Variants in B3GNT3 observed in about 807,000 individuals in gnomAD.
B3GNT3 encodes N-acetyllactosaminide beta-1,3-N-acetylglucosaminyltransferase 3.
A neutral mutation model predicts 11.6 loss-of-function variants in B3GNT3; 7 were observed. The ratio of observed to expected loss-of-function variants is 0.60; its 90% CI spans 0.34 to 1.13. The LOEUF is 1.13. Among genes scored for constraint, B3GNT3 ranks in the 50% most tolerant of loss-of-function variants. The pLI, the probability that B3GNT3 is intolerant of heterozygous loss-of-function variation, is 0.03. For synonymous variants in B3GNT3, 201 were observed against 222.1 expected (o/e 0.90, Z 0.85); for missense variants, 400 against 507.4 (o/e 0.79, Z 2.03).
chr19:17,811,558 A>G lies in B3GNT3; in HGVS notation c.568-13A>G, dbSNP rs766402937. The stretch of plus-strand genomic sequence containing the variant: ...GCCCTCAAGCAAGCATGCCCTGTCC[A>G]CCCTGCCTGCAGGTCCTGTTCTTAC... On this transcript the variant is annotated splice_polypyrimidine_tract_variant and intron_variant, in intron 2 of 2. Transcript: ENST00000318683. This position sits in a 1 kb window ranked among gnomAD's most constrained non-coding sequence, Gnocchi z 4.1. The G allele has an allele frequency of 3.7e-6, 6 of 1,601,538 alleles. No homozygotes were observed. The African/African-American group carries it at 8.0e-5, about 21-fold the overall frequency.
rs28403613 is a variant in B3GNT3, at chr19:17,812,929, C to T, written c.*807C>T. ...GAGATTCAGGTCCTCCAGCAGCCTC[C>T]CTCACCCAGTATGTTTTACAGATTA... On this transcript the variant is annotated 3_prime_UTR_variant, in exon 3 of 3. Transcript: ENST00000318683. The T allele has an allele frequency of 0.13, 20,105 of 152,176 alleles. 1,432 individuals carry two copies. Among genetic ancestry groups the T allele is most frequent in the Admixed American group, 0.2 (2,972 of 15,240 alleles). 9.4% of individuals were successfully genotyped at this position (152,176 alleles called of 1,614,324 possible). A position where few individuals can be genotyped will look rare whatever the true frequency, so the allele number is the denominator to read the frequency against.
intron 1 of B3GNT3, among the ~76,000 whole-genome samples, chr19:17,804,533 C>CCTAT (rs987013912): frequency 1.8e-5 from 1 of 57,016 alleles, no homozygotes; most frequent in Non-Finnish European, 2.8e-5. Flanking sequence ...CCGTGCCCAG[C>CCTAT]TTTTTTTTTT....
chr19:17,803,910 C>T (rs1171063834), intron 1 of B3GNT3, among the ~76,000 whole-genome samples: 1 of 151,970 alleles, frequency 6.6e-6, no homozygotes, highest in East Asian at 1.9e-4. Context: ...GTCTGTAATC[C>T]CAGCGCTTTG....
At position 17,807,960 on chromosome 19, in the gene B3GNT3, T is replaced by TCCTGCC; in HGVS notation, c.155_156insTGCCCC (p.Pro52_Pro53insAlaPro). ...TCCCCGAGGCCCTGGCCTGGCCCAC[T>TCCTGCC]CCACCCACCCGCCCAGCCCCGGCCC... On this transcript the variant is annotated inframe_insertion, in exon 2 of 3. Coordinates refer to ENST00000318683, the MANE Select transcript of B3GNT3 (RefSeq NM_014256.4). 14 of 1,609,540 alleles carry TCCTGCC rather than the reference T, an allele frequency of 8.7e-6. No individual in the cohort carries two copies. The highest frequency in any genetic ancestry group is 1.2e-5 in the Non-Finnish European group (14 of 1,178,122).
At chr19:17,800,969 T>G (rs2094165452) in intron 1 of B3GNT3, among the ~76,000 whole-genome samples, 1 of 151,682 alleles carries the variant, frequency 6.6e-6, no homozygotes, top group Admixed American at 6.6e-5. Flanking sequence ...AGGCTCTATC[T>G]AAAATATATA....
intron 1 of B3GNT3, among the ~76,000 whole-genome samples, chr19:17,799,658 G>A (rs2094163620): frequency 6.6e-6 from 1 of 152,018 alleles, no homozygotes; most frequent in Non-Finnish European, 1.5e-5. Context: ...AGCTGGGTCA[G>A]AAGGCCCTTC....
chr19:17,812,042 C>G lies in B3GNT3; in HGVS notation c.1039C>G (p.Leu347Val). The change falls in exon 3 of 3, where the codon CTA (leucine) becomes GTA (valine). Residue 347 changes from leucine (L) to valine (V), a missense_variant. Physicochemically the swap from Leu to Val is conservative, Grantham distance 32. Transcript: ENST00000318683. ...YRDLLLVHRF[L>V]PYEMLLMWDA... ...AGACCTGCTGCTGGTGCACCGCTTC[C>G]TACCTTATGAGATGCTGCTCATGTG... 3 of 1,599,444 alleles carry G rather than the reference C, an allele frequency of 1.9e-6. No individual in the cohort carries two copies. Among genetic ancestry groups the G allele is most frequent in the Middle Eastern group, 1.7e-4 (1 of 6,060 alleles).
chr19:17,808,217 G>A lies in B3GNT3; in HGVS notation c.410G>A (p.Arg137Gln), dbSNP rs1335188746. 2.5e-6 allele frequency: 4 copies of A among 1,613,240 alleles called. No individual in the cohort carries two copies. The highest frequency in any genetic ancestry group is 2.7e-5 in the African/African-American group (2 of 74,912). Reference sequence around the variant, plus strand: ...ACGTGGGGCCGCGAGCGCAAGGTACGGGGTTTGCAGCTGCGCCTCCTCTTC... The same window carrying A: ...ACGTGGGGCCGCGAGCGCAAGGTACAGGGTTTGCAGCTGCGCCTCCTCTTC... ...RRTWGRERKV[R>Q]GLQLRLLFLV... The change falls in exon 2 of 3, where the codon CGG (arginine) becomes CAG (glutamine). Residue 137 changes from arginine to glutamine, a missense_variant. Arg to Gln is a conservative substitution (Grantham distance 43, BLOSUM62 1). Coordinates refer to ENST00000318683, the MANE Select transcript of B3GNT3 (RefSeq NM_014256.4).
chr19:17,795,578 G>A (rs896088793), intron 1 of B3GNT3, among the ~76,000 whole-genome samples: 16 of 152,202 alleles, frequency 1.1e-4, no homozygotes, highest in Non-Finnish European at 2.9e-5. Flanking sequence ...GGGAGTATCT[G>A]GGCAAGCCAG....
upstream of B3GNT3, chr19:17,794,929 T>C: frequency 6.6e-6 from 1 of 152,396 alleles, no homozygotes; most frequent in Non-Finnish European, 1.5e-5. Flanking sequence ...AAGAGCGGGA[T>C]GGCAGAGGTG....
At chr19:17,807,335 C>CA (rs962338141) in intron 1 of B3GNT3, among the ~76,000 whole-genome samples, 14 of 150,848 alleles carry the variant, frequency 9.3e-5, no homozygotes, top group Admixed American at 2.0e-4. Flanking sequence ...ACTAAAAATA[C>CA]AAAAAAATTA....
Position 17,799,872 on chromosome 19 carries a change from G to T in B3GNT3, c.-51+4666G>T, listed in dbSNP as rs373371426. Reference sequence around the variant, plus strand: ...ATCTGGGCCTCAGTTTCCTCATCTGGAAAGTGGGAGTTTCACAGGGAGAAT... The same window carrying T: ...ATCTGGGCCTCAGTTTCCTCATCTGTAAAGTGGGAGTTTCACAGGGAGAAT... On this transcript the variant is annotated intron_variant, in intron 1 of 2. Transcript: ENST00000318683. Among the ~76,000 whole-genome samples the T allele has an allele frequency of 4.8e-4, 73 of 152,278 alleles. 1 individual carries two copies. Among genetic ancestry groups the T allele is most frequent in the African/African-American group, 1.7e-3 (72 of 41,554 alleles).
At chr19:17,800,693 G>A (rs1423339706) in intron 1 of B3GNT3, among the ~76,000 whole-genome samples, 1 of 152,046 alleles carries the variant, frequency 6.6e-6, no homozygotes, top group Non-Finnish European at 1.5e-5. Flanking sequence ...TAGGCCGGGC[G>A]AGGTGGCTCA....
intron 1 of B3GNT3, 138 bp from the exon 2 acceptor site, chr19:17,807,620 G>A (rs2094174834): frequency 3.4e-6 from 2 of 582,782 alleles, no homozygotes; most frequent in Non-Finnish European, 6.0e-6. Flanking sequence ...GGTCTTGCAA[G>A]GGGTGGAGGA....
rs1316183076 is a variant in B3GNT3 at position 17,813,133 on chromosome 19, C to T, written c.*1011C>T. ...TTACAAGTTTCAACAGACAAGTCCA[C>T]ATTCATCCCTAAAAGTCTCATTTTC... On this transcript the variant is annotated 3_prime_UTR_variant, in exon 3 of 3. Coordinates refer to ENST00000318683, the MANE Select transcript of B3GNT3 (RefSeq NM_014256.4). The T allele has an allele frequency of 1.3e-5, 2 of 151,712 alleles. No homozygotes were observed. Among genetic ancestry groups the T allele is most frequent in the African/African-American group, 4.8e-5 (2 of 41,278 alleles). The allele number at this position is 151,712 out of a possible 1,614,324, so 9.4% of individuals were successfully genotyped here. A position where few individuals can be genotyped will look rare whatever the true frequency, so the allele number is the denominator to read the frequency against.
rs1448488810 is a variant in B3GNT3 at position 17,807,821 on chromosome 19, G to A, written c.14G>A (p.Arg5Gln). 3.1e-6 allele frequency: 5 copies of A among 1,610,272 alleles called. No homozygotes were observed. Among genetic ancestry groups the A allele is most frequent in the African/African-American group, 1.3e-5 (1 of 74,800 alleles). The change falls in exon 2 of 3, where the codon CGG becomes CAG. Residue 5 changes from arginine (R) to glutamine (Q), a missense_variant. Arg to Gln is a conservative substitution (Grantham distance 43, BLOSUM62 1). Coordinates refer to ENST00000318683, the MANE Select transcript of B3GNT3 (RefSeq NM_014256.4). The part of the protein sequence containing the change: MKYL[R>Q]HRRPNATLIL... ...TGGCTGGCCAGGATGAAGTATCTCC[G>A]GCACCGGCGGCCCAATGCCACCCTC...
intron 1 of B3GNT3, among the ~76,000 whole-genome samples, chr19:17,795,452 C>G (rs984651910): frequency 1.3e-5 from 2 of 152,194 alleles, no homozygotes; most frequent in East Asian, 3.9e-4. Context: ...GCTGGCGACC[C>G]GGGACCCCGG....
intron 1 of B3GNT3, among the ~76,000 whole-genome samples, chr19:17,799,163 A>AG (rs2094162847): frequency 6.6e-6 from 1 of 151,846 alleles, no homozygotes; most frequent in Non-Finnish European, 1.5e-5. Context: ...CGGCCTCAGA[A>AG]TGTTCCACAC....
Position 17,807,924 on chromosome 19 carries a change from G to A in B3GNT3, c.117G>A (p.Gln39=). 10 of 1,613,370 alleles carry A rather than the reference G, an allele frequency of 6.2e-6. No individual in the cohort carries two copies. Among genetic ancestry groups the A allele is most frequent in the Non-Finnish European group, 8.5e-6 (10 of 1,179,910 alleles). The change falls in exon 2 of 3, where the codon CAG becomes CAA. Residue 39 remains glutamine (Q), a synonymous_variant. Coordinates refer to ENST00000318683, the MANE Select transcript of B3GNT3 (RefSeq NM_014256.4). The part of the protein sequence containing the change: ...VSPPTCKVQE[Q]PPAIPEALAW... ...CACCCACCTGCAAGGTCCAGGAGCA[G>A]CCACCGGCGATCCCCGAGGCCCTGG...
Sources: allele counts gnomAD v4.1 joint callset (sites outside exome capture counted in the v4.1 genomes callset), GRCh38; gene constraint gnomAD v4.1.1; non-coding constraint Gnocchi (gnomAD v3.1); transcripts MANE v1.5; gene names NCBI Gene and HGNC (gene_info 2026-07-23, HGNC 2026-07-21).